RIMS1: variants seen among roughly 807,000 people sequenced by gnomAD.
RIMS1 encodes the protein regulating synaptic membrane exocytosis 1.
Under a neutral mutation model 214.1 loss-of-function variants are expected in RIMS1, and 83 were observed. That is an observed-to-expected ratio of 0.39 (90% CI 0.32 to 0.47). The LOEUF (loss-of-function observed/expected upper bound fraction) is 0.47. Among genes scored for constraint, RIMS1 ranks in the 20% least tolerant of loss-of-function variants. The pLI is 0.99. For synonymous variants in RIMS1, 793 were observed against 786.8 expected, an observed-to-expected ratio of 1.01 and a Z score of -0.13; for missense variants, 2,050 against 2,161.8, an observed-to-expected ratio of 0.95 and a Z score of 1.03.
chr6:72,298,732 A>C (rs2094337336), intron 26 of RIMS1, among the ~76,000 whole-genome samples: 1 of 151,962 alleles, frequency 6.6e-6, no homozygotes, highest in Non-Finnish European at 1.5e-5. Context: ...ACCACTCAGC[A>C]CTGGGATTTT....
At chr6:72,136,408 T>C (rs2041286480) in intron 4 of RIMS1, among the ~76,000 whole-genome samples, 1 of 151,510 alleles carries the variant, frequency 6.6e-6, no homozygotes, top group African/African-American at 2.4e-5. Flanking sequence ...CTAAAATATT[T>C]CAAGAAAAAA....
At chr6:71,939,630 G>A (rs1785442708) in intron 1 of RIMS1, among the ~76,000 whole-genome samples, 1 of 152,190 alleles carries the variant, frequency 6.6e-6, no homozygotes, top group Admixed American at 6.5e-5. Flanking sequence ...ACTTAACACT[G>A]TGGAAGGCAA....
chr6:72,335,613 G>A (rs1427563896), intron 29 of RIMS1, among the ~76,000 whole-genome samples: 3 of 151,964 alleles, frequency 2.0e-5, no homozygotes, highest in Admixed American at 1.3e-4. Context: ...GGGTCAAATG[G>A]TATTTCTGGT....
At chr6:72,305,752 A>T (rs1172180821) in intron 26 of RIMS1, among the ~76,000 whole-genome samples, 1 of 152,076 alleles carries the variant, frequency 6.6e-6, no homozygotes, top group Non-Finnish European at 1.5e-5. Context: ...CTATCCTGTA[A>T]TGGTAATAAT....
intron 23 of RIMS1, among the ~76,000 whole-genome samples, chr6:72,281,232 TA>T (rs1466176543): frequency 6.6e-6 from 1 of 152,088 alleles, no homozygotes; most frequent in African/African-American, 2.4e-5. Context: ...TTAAAAAGGA[TA>T]AAAGAGTAGT....
At chr6:72,232,092 G>C (rs1048853549) in intron 6 of RIMS1, among the ~76,000 whole-genome samples, 1 of 151,480 alleles carries the variant, frequency 6.6e-6, no homozygotes, top group African/African-American at 2.4e-5. Context: ...TTTTAAGGTA[G>C]CTTTTGAATT....
chr6:72,107,083 C>T (rs1300320937), intron 4 of RIMS1, among the ~76,000 whole-genome samples: 1 of 152,202 alleles, frequency 6.6e-6, no homozygotes, highest in Non-Finnish European at 1.5e-5. Flanking sequence ...ATGCAGAGTG[C>T]TCCCTGAGTG....
intron 12 of RIMS1, among the ~76,000 whole-genome samples, chr6:72,250,064 A>C (rs960760647): frequency 2.0e-5 from 3 of 152,130 alleles, no homozygotes. Context: ...AAAAATTATT[A>C]TTAGTTTTAT....
intron 28 of RIMS1, among the ~76,000 whole-genome samples, chr6:72,329,793 A>C (rs568635258): frequency 6.6e-6 from 1 of 151,770 alleles, no homozygotes; most frequent in South Asian, 2.1e-4. Context: ...AGTTGGGTAG[A>C]TGGGTGCCTA....
At chr6:72,339,329 A>G (rs1044986284) in intron 29 of RIMS1, among the ~76,000 whole-genome samples, 3 of 152,014 alleles carry the variant, frequency 2.0e-5, no homozygotes, top group African/African-American at 7.2e-5. Flanking sequence ...CATGTGCACA[A>G]CGTGCAGGTT....
chr6:72,178,266 T>C (rs1225572859), intron 4 of RIMS1, among the ~76,000 whole-genome samples: 1 of 152,140 alleles, frequency 6.6e-6, no homozygotes, highest in Non-Finnish European at 1.5e-5. Context: ...AGTATTTTCC[T>C]TTTAAAAAAG....
chr6:72,344,824 T>G (rs2097205856), intron 29 of RIMS1, among the ~76,000 whole-genome samples: 3 of 151,816 alleles, frequency 2.0e-5, no homozygotes. Context: ...CTATGTTTGT[T>G]CTTTTCCTTG....
At chr6:72,264,178 A>T (rs1489624309) in intron 19 of RIMS1, among the ~76,000 whole-genome samples, 2 of 152,236 alleles carry the variant, frequency 1.3e-5, no homozygotes, top group Non-Finnish European at 2.9e-5. Context: ...GCTGAGATAG[A>T]TGATGGATTT....
At chr6:72,301,871 A>C (rs2094641692) in intron 26 of RIMS1, among the ~76,000 whole-genome samples, 1 of 151,604 alleles carries the variant, frequency 6.6e-6, no homozygotes. Context: ...AACATGATAG[A>C]AAATAGTGGT....
intron 2 of RIMS1, among the ~76,000 whole-genome samples, chr6:72,078,953 A>G (rs971053346): frequency 1.3e-5 from 2 of 152,176 alleles, no homozygotes; most frequent in African/African-American, 4.8e-5. Context: ...TGAGGAAGTT[A>G]ACTTTATCAC....
intron 2 of RIMS1, among the ~76,000 whole-genome samples, chr6:72,033,767 C>T (rs1454189408): frequency 3.3e-5 from 5 of 152,144 alleles, no homozygotes; most frequent in African/African-American, 1.2e-4. Flanking sequence ...CAGATGTGAG[C>T]TACCGTGCCC....
At chr6:72,168,779 GATTA>G (rs2046633095) in intron 4 of RIMS1, among the ~76,000 whole-genome samples, 1 of 138,018 alleles carries the variant, frequency 7.2e-6, no homozygotes, top group Non-Finnish European at 1.5e-5. Context: ...TGCTGGCTGA[GATTA>G]ATTATTATTT....
intron 1 of RIMS1, among the ~76,000 whole-genome samples, chr6:71,963,799 A>G (rs976853056): frequency 3.3e-5 from 5 of 152,172 alleles, no homozygotes; most frequent in African/African-American, 7.2e-5. Context: ...GACAAAAACT[A>G]TTACCTAGAA....
intron 10 of RIMS1, among the ~76,000 whole-genome samples, chr6:72,244,070 A>G (rs1274144595): frequency 6.6e-6 from 1 of 151,646 alleles, no homozygotes; most frequent in Non-Finnish European, 1.5e-5. Context: ...ACTATAATTA[A>G]AGGAAAAAGA....
Sources: allele counts gnomAD v4.1 joint callset (sites outside exome capture counted in the v4.1 genomes callset), GRCh38; gene constraint gnomAD v4.1.1; transcripts MANE v1.5; gene names NCBI Gene and HGNC (gene_info 2026-07-23, HGNC 2026-07-21).